RBFOX1: variants seen among roughly 807,000 people sequenced by gnomAD.
RBFOX1 encodes RNA binding protein fox-1 homolog 1.
RBFOX1 carries 8 observed loss-of-function variants against 57.7 expected under a neutral mutation model. That is an observed-to-expected ratio of 0.14 (90% CI 0.08 to 0.25). The LOEUF (loss-of-function observed/expected upper bound fraction) is 0.25, where lower values mean the gene tolerates loss of function less well. Ranked by LOEUF, RBFOX1 falls within the 10% of genes least tolerant of loss-of-function variation. The pLI is 1.00. For synonymous variants in RBFOX1, 326 were observed against 222.4 expected, an observed-to-expected ratio of 1.47 and a Z score of -4.15; for missense variants, 611 against 548.5, an observed-to-expected ratio of 1.11 and a Z score of -1.14.
intron 3 of RBFOX1, among the ~76,000 whole-genome samples, chr16:5,693,426 G>A (rs1340674715): frequency 1.3e-5 from 2 of 150,052 alleles, no homozygotes; most frequent in African/African-American, 2.4e-5. Flanking sequence ...CAATGGATAC[G>A]CCTGAGTAGG....
chr16:7,012,922 G>A (rs867378865), intron 3 of RBFOX1, among the ~76,000 whole-genome samples: 5 of 152,122 alleles, frequency 3.3e-5, no homozygotes, highest in Admixed American at 1.3e-4. Context: ...AAGATGGTCA[G>A]GTCCTGGTGG....
At chr16:5,533,028 G>A (rs1357689219) in intron 2 of RBFOX1, among the ~76,000 whole-genome samples, 1 of 152,112 alleles carries the variant, frequency 6.6e-6, no homozygotes, top group Non-Finnish European at 1.5e-5. Context: ...ATTGCAATGA[G>A]TTATATGAGA....
chr16:6,957,966 C>G (rs145477230), intron 3 of RBFOX1, among the ~76,000 whole-genome samples: 220 of 152,194 alleles, frequency 1.4e-3, no homozygotes, highest in African/African-American at 5.0e-3. Flanking sequence ...AGCATATTCT[C>G]TTGGTTACAC....
At chr16:5,509,082 G>A (rs1227951273) in intron 2 of RBFOX1, among the ~76,000 whole-genome samples, 1 of 152,184 alleles carries the variant, frequency 6.6e-6, no homozygotes, top group African/African-American at 2.4e-5. Flanking sequence ...GAAATATAAC[G>A]TGGAGTGAAA....
chr16:6,154,429 C>T (rs1016798188), intron 1 of RBFOX1, among the ~76,000 whole-genome samples: 7 of 152,254 alleles, frequency 4.6e-5, no homozygotes, highest in Admixed American at 3.3e-4. Flanking sequence ...ATAACTATGA[C>T]GTAGGCAGGG....
At chr16:7,689,175 T>C (rs747555442) in intron 14 of RBFOX1, among the ~76,000 whole-genome samples, 1 of 152,164 alleles carries the variant, frequency 6.6e-6, no homozygotes, top group African/African-American at 2.4e-5. Context: ...CAGTGTTAGA[T>C]AGTAGCCGTT....
intron 4 of RBFOX1, among the ~76,000 whole-genome samples, chr16:5,879,247 A>T (rs2057699520): frequency 6.6e-6 from 1 of 152,232 alleles, no homozygotes; most frequent in Non-Finnish European, 1.5e-5. Context: ...CCAATGAGCA[A>T]ATGCTGTGCT....
intron 3 of RBFOX1, among the ~76,000 whole-genome samples, chr16:6,884,574 T>C (rs2063590830): frequency 6.6e-6 from 1 of 152,150 alleles, no homozygotes; most frequent in African/African-American, 2.4e-5. Context: ...TATGTTTTAT[T>C]ACCCCCATTT....
At chr16:5,945,411 C>A (rs1348342703) in intron 4 of RBFOX1, among the ~76,000 whole-genome samples, 1 of 152,188 alleles carries the variant, frequency 6.6e-6, no homozygotes, top group African/African-American at 2.4e-5. Flanking sequence ...TGGACATTGG[C>A]CATGATTGTG....
chr16:5,808,598 G>A (rs1014602045), intron 3 of RBFOX1, among the ~76,000 whole-genome samples: 3 of 152,124 alleles, frequency 2.0e-5, no homozygotes, highest in African/African-American at 7.2e-5. Context: ...ATTTCATTGA[G>A]CAGTGGTTTA....
chr16:5,944,285 A>G (rs566992282), intron 4 of RBFOX1, among the ~76,000 whole-genome samples: 16 of 152,224 alleles, frequency 1.1e-4, no homozygotes, highest in Non-Finnish European at 1.6e-4. Context: ...ATCTCTAGGA[A>G]TGGATGAATG....
chr16:7,365,692 C>T (rs1003916201), intron 4 of RBFOX1, among the ~76,000 whole-genome samples: 2 of 152,114 alleles, frequency 1.3e-5, no homozygotes, highest in African/African-American at 4.8e-5. Context: ...TTACTTCCCA[C>T]AGTACAGAAT....
intron 3 of RBFOX1, among the ~76,000 whole-genome samples, chr16:6,918,773 C>T (rs1193235938): frequency 6.6e-6 from 1 of 152,068 alleles, no homozygotes; most frequent in Non-Finnish European, 1.5e-5. Flanking sequence ...GTTAATTAAT[C>T]TTGGGCATAG....
At position 7,528,771 on chromosome 16, in the gene RBFOX1, G is replaced by T. The variant is rs2079277475; in HGVS notation, c.270+10382G>T. 2.0e-5 allele frequency among the ~76,000 whole-genome samples: 3 copies of T among 152,188 alleles called. No individual in the cohort carries two copies. The South Asian group carries it at 6.2e-4, about 32-fold the overall frequency. On this transcript the variant is annotated intron_variant, in intron 5 of 15. Transcript: ENST00000550418. Reference sequence around the variant, plus strand: ...ATTCATGGTCATATAGTCTTTAGGTGCATAGTAAGTTCCTATGAATTCCAT... The same window carrying T: ...ATTCATGGTCATATAGTCTTTAGGTTCATAGTAAGTTCCTATGAATTCCAT...
intron 2 of RBFOX1, chr16:5,598,833 C>A: frequency 8.0e-7 from 1 of 1,246,530 alleles, no homozygotes; most frequent in South Asian, 1.6e-5. Context: ...CTGGGTTACT[C>A]AAGGTTAGAA....
Position 6,794,422 on chromosome 16 carries a change from A to G in RBFOX1, c.-16+139772A>G, listed in dbSNP as rs181271709. Among the ~76,000 whole-genome samples the G allele has an allele frequency of 2.0e-3, 297 of 151,342 alleles. 4 individuals carry two copies. The highest frequency in any genetic ancestry group is 0.014 in the Middle Eastern group (4 of 292). On this transcript the variant is annotated intron_variant, in intron 3 of 15. Coordinates refer to ENST00000550418, the MANE Select transcript of RBFOX1 (RefSeq NM_018723.4). Reference sequence around the variant, plus strand: ...GGGTTTAATTACCTGCTGCTTTTCTATTGCTCAGATTCCCTTCAGGATGCA... The same window carrying G: ...GGGTTTAATTACCTGCTGCTTTTCTGTTGCTCAGATTCCCTTCAGGATGCA...
At chr16:7,151,797 A>G (rs1266410052) in intron 4 of RBFOX1, among the ~76,000 whole-genome samples, 11 of 152,238 alleles carry the variant, frequency 7.2e-5, no homozygotes. Context: ...ATCATCAGGC[A>G]TTAGATTCTC....
At chr16:6,680,576 C>T (rs987242515) in intron 3 of RBFOX1, among the ~76,000 whole-genome samples, 11 of 152,036 alleles carry the variant, frequency 7.2e-5, no homozygotes, top group African/African-American at 2.4e-4. Flanking sequence ...TTTGCTTTTT[C>T]TTAGACCTCC....
chr16:7,479,248 C>G (rs768110151), intron 4 of RBFOX1, among the ~76,000 whole-genome samples: 2 of 151,694 alleles, frequency 1.3e-5, no homozygotes, highest in Non-Finnish European at 2.9e-5. Context: ...CTCAGCCTCC[C>G]GAGTCGCTGG....
Sources: allele counts gnomAD v4.1 joint callset (sites outside exome capture counted in the v4.1 genomes callset), GRCh38; gene constraint gnomAD v4.1.1; transcripts MANE v1.5; gene names NCBI Gene and HGNC (gene_info 2026-07-23, HGNC 2026-07-21).